The following NEGR1 variants were observed in gnomAD, a reference collection of about 807,000 sequenced individuals.
The protein encoded by NEGR1 is IgLON family member 4.
A neutral mutation model predicts 40.9 loss-of-function variants in NEGR1; 10 were observed. The ratio of observed to expected loss-of-function variants is 0.24; its 90% confidence interval spans 0.15 to 0.42. The LOEUF is 0.42. Ranked by LOEUF, NEGR1 falls within the 10% of genes least tolerant of loss-of-function variation. NEGR1 has a pLI of 1.00. For missense variants in NEGR1, 352 were observed against 438.9 expected, an observed-to-expected ratio of 0.80 and a Z score of 1.77; for synonymous variants, 185 against 166.8, an observed-to-expected ratio of 1.11 and a Z score of -0.84.
chr1:71,630,289 G>A (rs1650928410), intron 4 of NEGR1, among the ~76,000 whole-genome samples: 1 of 151,904 alleles, frequency 6.6e-6, no homozygotes, highest in Admixed American at 6.6e-5. Context: ...AGCAGTTTAT[G>A]TGTTTGTTTA....
intron 1 of NEGR1, among the ~76,000 whole-genome samples, chr1:71,995,542 C>G (rs748828159): frequency 2.6e-5 from 4 of 152,056 alleles, no homozygotes; most frequent in Non-Finnish European, 5.9e-5. Flanking sequence ...CAATGTTTGT[C>G]CATATTCATC....
At chr1:71,680,080 T>G (rs1652785975) in intron 4 of NEGR1, among the ~76,000 whole-genome samples, 1 of 152,032 alleles carries the variant, frequency 6.6e-6, no homozygotes, top group East Asian at 1.9e-4. Context: ...ATAATATTAT[T>G]TCCTTCTAAT....
Position 71,402,755 on chromosome 1 carries a change from A to G in NEGR1, c.*4691T>C, listed in dbSNP as rs1401896560. ...TCTGACTGTCAGGTTAAAGTGAATA[A>G]TTATTTTCTGTATACCAAGATATGA... On this transcript the variant is annotated 3_prime_UTR_variant, in exon 7 of 7. Coordinates refer to ENST00000357731, the MANE Select transcript of NEGR1 (RefSeq NM_173808.3). 6.6e-6 allele frequency: 1 copy of G among 152,132 alleles called. No homozygotes were observed. Among genetic ancestry groups the G allele is most frequent in the African/African-American group, 2.4e-5 (1 of 41,456 alleles). The allele number at this position is 152,132 out of a possible 1,614,324, so 9.4% of individuals were successfully genotyped here.
intron 6 of NEGR1, among the ~76,000 whole-genome samples, chr1:71,523,153 C>T (rs1647173064): frequency 6.6e-6 from 1 of 151,704 alleles, no homozygotes; most frequent in African/African-American, 2.4e-5. Flanking sequence ...TTCTTGGAGC[C>T]AATGAGCAGG....
intron 2 of NEGR1, among the ~76,000 whole-genome samples, chr1:71,847,616 T>G (rs1242834028): frequency 2.0e-5 from 3 of 152,214 alleles, no homozygotes; most frequent in Non-Finnish European, 4.4e-5. Context: ...ATAAATGTTC[T>G]ATATGTTCTG....
intron 2 of NEGR1, among the ~76,000 whole-genome samples, chr1:71,862,417 C>T (rs756072411): frequency 2.6e-5 from 4 of 152,174 alleles, no homozygotes; most frequent in East Asian, 1.9e-4. Context: ...ACCTCACTCA[C>T]TCCCTGTTTC....
At position 71,845,665 on chromosome 1, in the gene NEGR1, G is replaced by T. The variant is rs142922504; in HGVS notation, c.410-69368C>A. Reference sequence around the variant, plus strand: ...TTAAACAAATGAGAAAACTGAGGTAGAAAGAGAGTAAGTTGATCCAATTCA... The same window carrying T: ...TTAAACAAATGAGAAAACTGAGGTATAAAGAGAGTAAGTTGATCCAATTCA... On this transcript the variant is annotated intron_variant, in intron 2 of 6. Coordinates refer to ENST00000357731, the MANE Select transcript of NEGR1 (RefSeq NM_173808.3). 2.0e-4 allele frequency among the ~76,000 whole-genome samples: 31 copies of T among 152,264 alleles called. No homozygotes were observed. The East Asian group carries it at 5.8e-3, about 28-fold the overall frequency.
At chr1:71,431,079 T>TTA (rs1553141087) in intron 6 of NEGR1, among the ~76,000 whole-genome samples, 1 of 150,826 alleles carries the variant, frequency 6.6e-6, no homozygotes, top group Non-Finnish European at 1.5e-5. Flanking sequence ...ATCTTTTTTT[T>TTA]ATGACCTTTT....
chr1:71,839,592 T>A (rs937661953), intron 2 of NEGR1, among the ~76,000 whole-genome samples: 3 of 152,074 alleles, frequency 2.0e-5, no homozygotes, highest in Non-Finnish European at 2.9e-5. Context: ...TTAAAATTAT[T>A]GAAAATAAAA....
intron 3 of NEGR1, among the ~76,000 whole-genome samples, chr1:71,725,308 C>T (rs941123642): frequency 2.6e-5 from 4 of 152,088 alleles, no homozygotes; most frequent in African/African-American, 9.7e-5. Context: ...CTGATGCCCT[C>T]TCACCACTCA....
chr1:71,664,772 C>G (rs964323616), intron 4 of NEGR1, among the ~76,000 whole-genome samples: 9 of 151,860 alleles, frequency 5.9e-5, no homozygotes, highest in African/African-American at 2.2e-4. Context: ...GTATATTTTA[C>G]AAAATATCTC....
At chr1:71,990,037 C>T (rs1424693884) in intron 1 of NEGR1, among the ~76,000 whole-genome samples, 1 of 152,114 alleles carries the variant, frequency 6.6e-6, no homozygotes, top group Non-Finnish European at 1.5e-5. Flanking sequence ...AGTCATTAAG[C>T]TATTTTATGA....
intron 1 of NEGR1, among the ~76,000 whole-genome samples, chr1:72,157,558 CACTT>C (rs1430323750): frequency 6.6e-6 from 1 of 152,058 alleles, no homozygotes; most frequent in Non-Finnish European, 1.5e-5. Flanking sequence ...GCTGTCTTCA[CACTT>C]ACAGCTGGTG....
At chr1:72,086,948 T>C (rs1175228229) in intron 1 of NEGR1, among the ~76,000 whole-genome samples, 14 of 152,318 alleles carry the variant, frequency 9.2e-5, no homozygotes, top group Middle Eastern at 3.4e-3. Flanking sequence ...CACTGAATTA[T>C]AGAGTGATTA....
At chr1:72,263,433 G>A (rs1655528857) in intron 1 of NEGR1, among the ~76,000 whole-genome samples, 1 of 151,412 alleles carries the variant, frequency 6.6e-6, no homozygotes. Flanking sequence ...ATTCCCATTA[G>A]CAGTCCCCAA....
At chr1:72,030,790 T>C (rs1049932915) in intron 1 of NEGR1, among the ~76,000 whole-genome samples, 1 of 152,182 alleles carries the variant, frequency 6.6e-6, no homozygotes, top group African/African-American at 2.4e-5. Context: ...TTGGAAAAGA[T>C]GACAGAAATA....
In NEGR1 at chr1:71,572,653, T is replaced by A. The variant is rs1570048729; in HGVS notation, c.940+20164A>T. The stretch of plus-strand genomic sequence containing the variant: ...TAGCAGACTTGTGGGTATATATTCA[T>A]TTAAATTCATCTCTATGTGTTCAAG... On this transcript the variant is annotated intron_variant, in intron 6 of 6. Transcript: ENST00000357731. Among the ~76,000 whole-genome samples the A allele has an allele frequency of 3.3e-5, 5 of 152,296 alleles. No homozygotes were observed. In the South Asian group the frequency reaches 1.0e-3, roughly 32 times the overall value.
intron 2 of NEGR1, among the ~76,000 whole-genome samples, chr1:71,877,980 T>A (rs1200587755): frequency 6.6e-6 from 1 of 152,176 alleles, no homozygotes; most frequent in South Asian, 2.1e-4. Context: ...TTTAGTGATA[T>A]CAGGATAATG....
chr1:71,779,524 G>A (rs779824294), intron 2 of NEGR1, among the ~76,000 whole-genome samples: 4 of 151,804 alleles, frequency 2.6e-5, no homozygotes, highest in Non-Finnish European at 4.4e-5. Context: ...AATAGTTTAC[G>A]CACAAGGTTA....
Sources: gnomAD v4.1 joint callset for allele counts (sites outside exome capture counted in the v4.1 genomes callset) on GRCh38, gnomAD v4.1.1 for gene constraint, MANE v1.5 for transcripts, NCBI Gene and HGNC (gene_info 2026-07-23, HGNC 2026-07-21) for gene names.